Variants in OXA1L observed in about 807,000 individuals in gnomAD.
The protein encoded by OXA1L is mitochondrial inner membrane protein OXA1L.
OXA1L carries 42 observed loss-of-function variants against 52.2 expected under a neutral mutation model. The observed-to-expected ratio is 0.80, with a 90% CI of 0.63 to 1.04. The LOEUF (loss-of-function observed/expected upper bound fraction) is 1.04. OXA1L is among the 50% of genes least tolerant of loss of function. The pLI is 0.00. For synonymous variants in OXA1L, 239 were observed against 201.9 expected (o/e 1.18, Z -1.56); for missense variants, 572 against 555.0 (o/e 1.03, Z -0.31).
intron 5 of OXA1L, 82 bp downstream of exon 5, chr14:22,770,360 A>G: frequency 6.5e-7 from 1 of 1,539,134 alleles, no homozygotes; most frequent in Non-Finnish European, 9.0e-7. Flanking sequence ...CAGGTCCCCC[A>G]AAAAACAGGT....
At chr14:22,767,606 A>G (rs575952293) in intron 2 of OXA1L, 197 bp downstream of exon 2, 1 of 545,868 alleles carries the variant, frequency 1.8e-6, no homozygotes, top group East Asian at 3.1e-5. Flanking sequence ...AACAGGAGAG[A>G]TGTTATATTT....
rs2038471444 is a variant in OXA1L, at chr14:22,771,969, A to AGTG, written c.*411_*412insGTG. 3 of 187,258 alleles carry AGTG rather than the reference A, an allele frequency of 1.6e-5. No homozygotes were observed. The highest frequency in any genetic ancestry group is 3.4e-5 in the Non-Finnish European group (3 of 89,114). 11.6% of individuals were successfully genotyped at this position (187,258 alleles called of 1,614,324 possible). A position where few individuals can be genotyped will look rare whatever the true frequency, so the allele number is the denominator to read the frequency against. On this transcript the variant is annotated 3_prime_UTR_variant, in exon 10 of 10. Transcript: ENST00000612549. ...CAAAAATAGCCACACGTGGTGGTGCACACCTGTAGTCCCAGCTACTCGGGA... is the reference window on the plus strand; with the variant it reads ...CAAAAATAGCCACACGTGGTGGTGCAGTGCACCTGTAGTCCCAGCTACTCGGGA...
At chr14:22,767,191 C>G in intron 1 of OXA1L, 57 bp from the exon 2 acceptor site, 1 of 1,569,870 alleles carries the variant, frequency 6.4e-7, no homozygotes, top group South Asian at 1.2e-5. Context: ...CCGTTTGCAC[C>G]CACGCGAGGA....
chr14:22,770,366 CAG>C, intron 5 of OXA1L, 88 bp downstream of exon 5: 1 of 1,541,782 alleles, frequency 6.5e-7, no homozygotes, highest in Non-Finnish European at 9.0e-7. Flanking sequence ...CCCCAAAAAA[CAG>C]GTGGTGGTGG....
intron 3 of OXA1L, 57 bp downstream of exon 3, chr14:22,768,228 C>T (rs755567064): frequency 7.4e-7 from 1 of 1,357,722 alleles, no homozygotes; most frequent in Admixed American, 1.7e-5. Context: ...GATGGCAATT[C>T]TTTGAATGGA....
rs1389947322 is a variant in OXA1L, at chr14:22,771,410, ATTTGT to A, written c.1184-20_1184-16del. On this transcript the variant is annotated intron_variant, in intron 9 of 9. Transcript: ENST00000612549. ...TTCTTCCTTTCTGTTCTTCGTTGAA[ATTTGT>A]TTTCTCTTCTCCCCTCAGGTCCTTT... 6.2e-7 allele frequency: 1 copy of A among 1,613,830 alleles called. No individual in the cohort carries two copies. Among genetic ancestry groups the A allele is most frequent in the African/African-American group, 1.3e-5 (1 of 74,906 alleles).
At chr14:22,769,971 C>T in intron 4 of OXA1L, 37 bp downstream of exon 4, 1 of 1,609,506 alleles carries the variant, frequency 6.2e-7, no homozygotes, top group South Asian at 1.1e-5. Context: ...GAGAAGTCCA[C>T]ATTTGCACTT....
chr14:22,768,886 AGT>A (rs1353977614), intron 3 of OXA1L: 2 of 152,128 alleles, frequency 1.3e-5, no homozygotes, highest in Non-Finnish European at 2.9e-5. Flanking sequence ...TTATCCTTTA[AGT>A]TACAAACAAT....
chr14:22,771,444 A>G lies in OXA1L; in HGVS notation c.1194A>G (p.Arg398=), dbSNP rs760609995. 51 of 1,614,040 alleles carry G rather than the reference A, an allele frequency of 3.2e-5. No homozygotes were observed. The highest frequency in any genetic ancestry group is 4.2e-5 in the Non-Finnish European group (49 of 1,180,024). Residue 398 remains arginine (R), a synonymous_variant, in exon 10 of 10, where the codon CGA becomes CGG. Transcript: ENST00000612549. The part of the protein sequence containing the change: ...QLELAARGPL[R]QTFTHNPLLQ... ...CTCTTCTCCCCTCAGGTCCTTTACG[A>G]CAGACCTTTACCCACAACCCTCTCC...
In OXA1L at chr14:22,771,443, G is replaced by A. The variant is rs146540822; in HGVS notation, c.1193G>A (p.Arg398Gln). The A allele has an allele frequency of 1.5e-5, 24 of 1,613,838 alleles. No homozygotes were observed. The highest frequency in any genetic ancestry group is 1.6e-4 in the Middle Eastern group (1 of 6,084). Residue 398 changes from arginine to glutamine, a missense_variant, in exon 10 of 10, where the codon CGA becomes CAA. Physicochemically the swap from Arg to Gln is conservative, Grantham distance 43. Around this residue, in one of 5 missense-constraint regions of OXA1L, gnomAD observed 244 missense variants for 240.2 expected, o/e 1.02. Coordinates refer to ENST00000612549, the MANE Select transcript of OXA1L (RefSeq NM_005015.5). ...TCTCTTCTCCCCTCAGGTCCTTTAC[G>A]ACAGACCTTTACCCACAACCCTCTC... ...QLELAARGPL[R>Q]QTFTHNPLLQ...
chr14:22,766,891 C>G, intron 1 of OXA1L, 127 bp downstream of exon 1: 1 of 1,541,656 alleles, frequency 6.5e-7, no homozygotes. Context: ...GTCATGACCT[C>G]GGGTCATGTG....
rs747628549 is a variant in OXA1L at position 22,771,142 on chromosome 14, T to C, written c.1064T>C (p.Leu355Ser). The C allele has an allele frequency of 1.7e-5, 28 of 1,614,146 alleles. No homozygotes were observed. The highest frequency in any genetic ancestry group is 2.4e-5 in the Non-Finnish European group (28 of 1,180,014). Residue 355 changes from leucine (L) to serine (S), a missense_variant, in exon 8 of 10, where the codon TTA becomes TCA. By Grantham distance (145) the Leu-to-Ser change is moderately radical (BLOSUM62 -2). Around this residue, in one of 5 missense-constraint regions of OXA1L, gnomAD observed 244 missense variants for 240.2 expected, o/e 1.02. Coordinates refer to ENST00000612549, the MANE Select transcript of OXA1L (RefSeq NM_005015.5). The part of the protein sequence containing the change: ...PQRVVHDLDK[L>S]PPREGFLESF... ...CGTGTTGTACATGACCTGGACAAATTACCTCCACGGGAAGGCTTCCTAGAG... is the reference window on the plus strand; with the variant it reads ...CGTGTTGTACATGACCTGGACAAATCACCTCCACGGGAAGGCTTCCTAGAG...
At chr14:22,767,068 G>T (rs989743682) in intron 1 of OXA1L, 180 bp from the exon 2 acceptor site, 1 of 1,536,414 alleles carries the variant, frequency 6.5e-7, no homozygotes, top group Non-Finnish European at 8.7e-7. Context: ...GCTTCGCTCT[G>T]CAGGCACCAC....
rs767987944 is a variant in OXA1L at position 22,769,825 on chromosome 14, C to T, written c.474C>T (p.Leu158=). Residue 158 remains leucine, a synonymous_variant, in exon 4 of 10, where the codon CTC becomes CTT. Transcript: ENST00000612549. ...TVFARCLIFP[L]IVTGQREAAR... is the part of the protein sequence containing the mutation. Reference sequence around the variant, plus strand: ...TTGCCCGCTGCCTGATTTTTCCTCTCATCGTGACGGGCCAGCGAGAGGCAG... The same window carrying T: ...TTGCCCGCTGCCTGATTTTTCCTCTTATCGTGACGGGCCAGCGAGAGGCAG... The T allele has an allele frequency of 1.2e-6, 2 of 1,614,180 alleles. No homozygotes were observed. The highest frequency in any genetic ancestry group is 1.7e-5 in the Admixed American group (1 of 60,022).
intron 5 of OXA1L, 48 bp downstream of exon 5, chr14:22,770,326 T>C: frequency 2.0e-6 from 3 of 1,526,582 alleles, no homozygotes; most frequent in Non-Finnish European, 2.7e-6. Flanking sequence ...CCCATGAAAT[T>C]TCCTCTCTGT....
intron 1 of OXA1L, 130 bp from the exon 2 acceptor site, chr14:22,767,118 T>C (rs762904774): frequency 2.6e-6 from 4 of 1,535,430 alleles, no homozygotes; most frequent in Non-Finnish European, 2.6e-6. Context: ...CGCGCGGTGA[T>C]AGCAATGTCC....
chr14:22,768,061 G>T lies in OXA1L; in HGVS notation c.329G>T (p.Ser110Ile). 1 of 1,614,216 alleles carries T rather than the reference G, an allele frequency of 6.2e-7. No individual in the cohort carries two copies. Among genetic ancestry groups the T allele is most frequent in the Non-Finnish European group, 8.5e-7 (1 of 1,180,010 alleles). The change falls in exon 3 of 10, where the codon AGC becomes ATC. Residue 110 changes from serine (S) to isoleucine (I), a missense_variant. Physicochemically the swap from Ser to Ile is moderately radical, Grantham distance 142 (BLOSUM62 -2). Transcript: ENST00000612549. Reference sequence around the variant, plus strand: ...GTAGTCCAAACTGCTGCAGAGCAGAGCTTCGCTGAACTGGGGCTGGGGTCA... The same window carrying T: ...GTAGTCCAAACTGCTGCAGAGCAGATCTTCGCTGAACTGGGGCTGGGGTCA... ...ADVVQTAAEQ[S>I]FAELGLGSYT...
chr14:22,771,396 T>C (rs2038461352), intron 9 of OXA1L, 38 bp from the exon 10 acceptor site: 1 of 1,613,998 alleles, frequency 6.2e-7, no homozygotes, highest in Non-Finnish European at 8.5e-7. Context: ...TCTTCCTTTC[T>C]GTTCTTCGTT....
At chr14:22,769,287 A>G (rs2038437040) in intron 3 of OXA1L, among the ~76,000 whole-genome samples, 1 of 152,198 alleles carries the variant, frequency 6.6e-6, no homozygotes, top group Non-Finnish European at 1.5e-5. Context: ...CTCACAAATA[A>G]GTGAGAACAT....
Sources: allele counts gnomAD v4.1 joint callset (sites outside exome capture counted in the v4.1 genomes callset), GRCh38; gene constraint gnomAD v4.1.1; regional missense constraint gnomAD v4.1.1; transcripts MANE v1.5; gene names NCBI Gene and HGNC (gene_info 2026-07-23, HGNC 2026-07-21).